Variants in TFDP2 observed in about 807,000 individuals in gnomAD.
TFDP2 encodes the protein transcription factor Dp-2 (E2F dimerization partner 2).
TFDP2 carries 17 observed loss-of-function variants against 59.3 expected under a neutral mutation model. The observed-to-expected ratio is 0.29, with a 90% CI of 0.20 to 0.43. TFDP2 has a LOEUF of 0.43. Among genes scored for constraint, TFDP2 ranks in the 20% least tolerant of loss-of-function variants. The pLI is 1.00. For missense variants in TFDP2, 391 were observed against 528.8 expected (o/e 0.74, Z 2.56); for synonymous variants, 180 against 194.7 (o/e 0.92, Z 0.63).
At chr3:142,024,826 C>G (rs1318798360) in intron 3 of TFDP2, among the ~76,000 whole-genome samples, 1 of 152,070 alleles carries the variant, frequency 6.6e-6, no homozygotes, top group Admixed American at 6.5e-5. Flanking sequence ...TCGAGACCAG[C>G]CTGGCCAACA....
intron 1 of TFDP2, among the ~76,000 whole-genome samples, chr3:142,117,931 T>C (rs535253908): frequency 1.1e-4 from 17 of 152,082 alleles, no homozygotes; most frequent in African/African-American, 3.9e-4. Flanking sequence ...ACCCCGTCTC[T>C]ACAAAAATAT....
intron 3 of TFDP2, among the ~76,000 whole-genome samples, chr3:142,013,450 G>T (rs992957013): frequency 2.0e-5 from 3 of 152,186 alleles, no homozygotes; most frequent in African/African-American, 7.2e-5. Context: ...GCTGAGAGAA[G>T]TAAAGTCTAA....
chr3:142,096,113 G>A (rs1046665963), intron 2 of TFDP2, among the ~76,000 whole-genome samples: 2 of 152,130 alleles, frequency 1.3e-5, no homozygotes, highest in African/African-American at 4.8e-5. Context: ...CTGTACACCT[G>A]CATCTTAAGA....
chr3:142,012,881 G>A (rs1395517997), intron 3 of TFDP2, among the ~76,000 whole-genome samples: 1 of 152,128 alleles, frequency 6.6e-6, no homozygotes, highest in Non-Finnish European at 1.5e-5. Flanking sequence ...GCTCACGCTT[G>A]TAATCCCAGC....
intron 11 of TFDP2, among the ~76,000 whole-genome samples, chr3:141,957,103 G>A (rs1936783826): frequency 6.6e-6 from 1 of 152,116 alleles, no homozygotes; most frequent in African/African-American, 2.4e-5. Flanking sequence ...GGTGAATTCA[G>A]GCCAAGAGTT....
intron 3 of TFDP2, among the ~76,000 whole-genome samples, chr3:142,040,130 C>A (rs1397242167): frequency 6.6e-6 from 1 of 151,888 alleles, no homozygotes; most frequent in South Asian, 2.1e-4. Flanking sequence ...CACACACACA[C>A]ACACACACAG....
intron 3 of TFDP2, chr3:142,044,239 T>TG: frequency 1.6e-5 from 4 of 244,814 alleles, no homozygotes; most frequent in South Asian, 5.1e-5. Context: ...TTTTTTTTTT[T>TG]TTTTTTTTTT....
At chr3:142,059,091 A>C (rs2059834119) in intron 3 of TFDP2, among the ~76,000 whole-genome samples, 1 of 152,240 alleles carries the variant, frequency 6.6e-6, no homozygotes, top group Non-Finnish European at 1.5e-5. Context: ...ATTTTTTATT[A>C]TACACATTGA....
At chr3:142,098,904 T>C (rs2061243144) in intron 2 of TFDP2, among the ~76,000 whole-genome samples, 1 of 152,206 alleles carries the variant, frequency 6.6e-6, no homozygotes, top group South Asian at 2.1e-4. Flanking sequence ...CTCTAGACTT[T>C]TCAATTATAT....
intron 3 of TFDP2, among the ~76,000 whole-genome samples, chr3:142,050,048 C>T (rs944126866): frequency 6.6e-6 from 1 of 151,736 alleles, no homozygotes; most frequent in African/African-American, 2.4e-5. Flanking sequence ...GCGGGCAGAT[C>T]ACAGGCCGAG....
At position 142,084,102 on chromosome 3, in the gene TFDP2, A is replaced by G. The variant is rs186273533; in HGVS notation, c.82+8959T>C. Reference sequence around the variant, plus strand: ...GGGAGAAAACATCCGCAAACTACCCACCTGACAAGAGTTTTATAACCAGAA... The same window carrying G: ...GGGAGAAAACATCCGCAAACTACCCGCCTGACAAGAGTTTTATAACCAGAA... On this transcript the variant is annotated intron_variant, in intron 3 of 12. Transcript: ENST00000489671. Among the ~76,000 whole-genome samples, 44 of 152,352 alleles carry G rather than the reference A, an allele frequency of 2.9e-4. No homozygotes were observed. The East Asian group carries it at 8.3e-3, about 29-fold the overall frequency.
At position 142,144,217 on chromosome 3, in the gene TFDP2, T is replaced by A. The variant is rs182729262; in HGVS notation, c.-93+4966A>T. Among the ~76,000 whole-genome samples, 310 of 152,130 alleles carry A rather than the reference T, an allele frequency of 2.0e-3. 3 individuals are homozygous for A. Among genetic ancestry groups the A allele is most frequent in the African/African-American group, 7.1e-3 (293 of 41,544 alleles). On this transcript the variant is annotated intron_variant, in intron 1 of 12. Coordinates refer to ENST00000489671, the MANE Select transcript of TFDP2 (RefSeq NM_001178139.2). Reference sequence around the variant, plus strand: ...GGCAAAACCCTGTCTCTATTAAAAATACAAAAATTAGCCAGGTGTGGTGGC... The same window carrying A: ...GGCAAAACCCTGTCTCTATTAAAAAAACAAAAATTAGCCAGGTGTGGTGGC...
chr3:141,965,688 G>T (rs1054872025), intron 9 of TFDP2, among the ~76,000 whole-genome samples: 1 of 151,704 alleles, frequency 6.6e-6, no homozygotes, highest in Non-Finnish European at 1.5e-5. Context: ...TCCCCAAAAG[G>T]GGAAGATTTA....
intron 1 of TFDP2, among the ~76,000 whole-genome samples, chr3:142,126,844 G>T (rs547617791): frequency 3.4e-4 from 52 of 151,684 alleles, no homozygotes; most frequent in African/African-American, 1.2e-3. Context: ...TACTCAGGAG[G>T]CTGAGGCAGG....
chr3:141,995,196 A>G (rs1943152506), intron 4 of TFDP2, 55 bp from the exon 5 acceptor site: 2 of 1,415,754 alleles, frequency 1.4e-6, no homozygotes, highest in African/African-American at 2.9e-5. Flanking sequence ...AAAAGCCTAC[A>G]GGCAGAAAAT....
chr3:142,132,408 T>C (rs2062549501), intron 1 of TFDP2, among the ~76,000 whole-genome samples: 1 of 149,978 alleles, frequency 6.7e-6, no homozygotes, highest in Non-Finnish European at 1.5e-5. Context: ...TTTGTAAATA[T>C]ACTAAACAAC....
At position 141,995,040 on chromosome 3, in the gene TFDP2, T is replaced by C; in HGVS notation, c.288A>G (p.Glu96=). Residue 96 remains glutamate (E), a synonymous_variant, in exon 5 of 13, where the codon GAA becomes GAG. Coordinates refer to ENST00000489671, the MANE Select transcript of TFDP2 (RefSeq NM_001178139.2). ...PAMVTQTHIA[E]ATGWVPGDRK... Reference sequence around the variant, plus strand: ...CTTACCCAGGGACCCAGCCAGTAGCTTCTGCTATGTGTGTCTGAGTAACCA... The same window carrying C: ...CTTACCCAGGGACCCAGCCAGTAGCCTCTGCTATGTGTGTCTGAGTAACCA... The C allele has an allele frequency of 6.2e-7, 1 of 1,602,724 alleles. No individual in the cohort carries two copies. Among genetic ancestry groups the C allele is most frequent in the South Asian group, 1.1e-5 (1 of 88,270 alleles).
chr3:142,021,431 C>T (rs1372691721), intron 3 of TFDP2, among the ~76,000 whole-genome samples: 3 of 152,166 alleles, frequency 2.0e-5, no homozygotes, highest in Admixed American at 2.0e-4. Flanking sequence ...GATCACCTAA[C>T]CAGAATCTTT....
At chr3:142,083,432 A>G (rs2060706999) in intron 3 of TFDP2, among the ~76,000 whole-genome samples, 1 of 152,220 alleles carries the variant, frequency 6.6e-6, no homozygotes, top group South Asian at 2.1e-4. Flanking sequence ...ACAGTACCCA[A>G]GGCAATCTTT....
Sources: gnomAD v4.1 joint callset for allele counts (sites outside exome capture counted in the v4.1 genomes callset) on GRCh38, gnomAD v4.1.1 for gene constraint, MANE v1.5 for transcripts, NCBI Gene and HGNC (gene_info 2026-07-23, HGNC 2026-07-21) for gene names.